INPP4A: variants seen among roughly 807,000 people sequenced by gnomAD.
The protein encoded by INPP4A is inositol polyphosphate-4-phosphatase, type I, 107kD.
A neutral mutation model predicts 119.8 loss-of-function variants in INPP4A; 33 were observed. The observed-to-expected ratio is 0.28, with a 90% confidence interval of 0.21 to 0.37. The LOEUF (loss-of-function observed/expected upper bound fraction) is 0.37. Among genes scored for constraint, INPP4A ranks in the 10% least tolerant of loss-of-function variants. The pLI is 1.00. For missense variants in INPP4A, 956 were observed against 1,289.9 expected (o/e 0.74, Z 3.97); for synonymous variants, 496 against 500.7 (o/e 0.99, Z 0.12).
At chr2:98,581,762 A>G in intron 24 of INPP4A, 2 of 1,607,120 alleles carry the variant, frequency 1.2e-6, no homozygotes, top group South Asian at 1.1e-5. Context: ...AATGAATATC[A>G]TTATGAAAAA....
At chr2:98,481,330 G>C (rs934228180) in intron 1 of INPP4A, among the ~76,000 whole-genome samples, 16 of 150,486 alleles carry the variant, frequency 1.1e-4, no homozygotes, top group African/African-American at 3.8e-4. Context: ...AAATTCCCTG[G>C]GGGGAAAGAA....
At chr2:98,471,121 C>T (rs1574577202) in intron 1 of INPP4A, among the ~76,000 whole-genome samples, 1 of 152,134 alleles carries the variant, frequency 6.6e-6, no homozygotes, top group African/African-American at 2.4e-5. Context: ...ATAGTTTTAG[C>T]TGAGGGTGTT....
intron 21 of INPP4A, among the ~76,000 whole-genome samples, chr2:98,567,422 A>G (rs1310684940): frequency 6.6e-6 from 1 of 152,200 alleles, no homozygotes; most frequent in Non-Finnish European, 1.5e-5. Flanking sequence ...GCACCAGCCC[A>G]GGAAGCAAAG....
intron 1 of INPP4A, among the ~76,000 whole-genome samples, chr2:98,501,890 G>T (rs539569188): frequency 6.6e-5 from 10 of 152,330 alleles, no homozygotes; most frequent in Admixed American, 2.6e-4. Context: ...TCTGGCCCCT[G>T]CACTGCTGAG....
intron 1 of INPP4A, among the ~76,000 whole-genome samples, chr2:98,501,346 T>C (rs1683085208): frequency 6.6e-6 from 1 of 151,980 alleles, no homozygotes; most frequent in Non-Finnish European, 1.5e-5. Context: ...AAAAAAAATG[T>C]ATTTAAAGAA....
chr2:98,579,051 T>A (rs1467699096), intron 24 of INPP4A, among the ~76,000 whole-genome samples: 1 of 152,016 alleles, frequency 6.6e-6, no homozygotes, highest in East Asian at 1.9e-4. Flanking sequence ...TTATCACTTT[T>A]TTTTTCTTTT....
In INPP4A at chr2:98,526,190, CAA is replaced by C. The variant is rs1273833263; in HGVS notation, c.151+5462_151+5463del. On this transcript the variant is annotated intron_variant, in intron 4 of 24. Transcript: ENST00000409851. ...CATTTGTATGAAATTCAAGAACAGA[CAA>C]AAGAATAGTGATGGAAATCAGAAAA... Among the ~76,000 whole-genome samples, 8 of 151,992 alleles carry C rather than the reference CAA, an allele frequency of 5.3e-5. No homozygotes were observed. The East Asian group carries it at 1.5e-3, about 29-fold the overall frequency.
intron 16 of INPP4A, among the ~76,000 whole-genome samples, chr2:98,557,360 G>A (rs1694677847): frequency 6.6e-6 from 1 of 152,152 alleles, no homozygotes; most frequent in African/African-American, 2.4e-5. Context: ...AATTATCTGT[G>A]GATGGTCCTT....
intron 1 of INPP4A, among the ~76,000 whole-genome samples, chr2:98,450,777 T>C (rs1480746282): frequency 6.6e-6 from 1 of 152,158 alleles, no homozygotes; most frequent in Non-Finnish European, 1.5e-5. Context: ...CTTTCTGTTT[T>C]TTTTGAGATG....
At chr2:98,471,462 C>T (rs1320014404) in intron 1 of INPP4A, among the ~76,000 whole-genome samples, 1 of 152,154 alleles carries the variant, frequency 6.6e-6, no homozygotes, top group Non-Finnish European at 1.5e-5. Context: ...TGTGGTATCT[C>T]ATCATATGTG....
chr2:98,530,272 G>A (rs1688968458), intron 4 of INPP4A, among the ~76,000 whole-genome samples: 1 of 151,968 alleles, frequency 6.6e-6, no homozygotes, highest in South Asian at 2.1e-4. Flanking sequence ...GAATCTGAGA[G>A]CAGAGGCTCA....
chr2:98,477,880 G>C (rs1677581423), intron 1 of INPP4A, among the ~76,000 whole-genome samples: 1 of 152,224 alleles, frequency 6.6e-6, no homozygotes, highest in Non-Finnish European at 1.5e-5. Flanking sequence ...GCATGGATTG[G>C]AAATGGAGAG....
At chr2:98,542,586 C>T (rs1305059989) in intron 10 of INPP4A, among the ~76,000 whole-genome samples, 2 of 152,200 alleles carry the variant, frequency 1.3e-5, no homozygotes, top group African/African-American at 4.8e-5. Context: ...CAGGGATTAG[C>T]TACCGATTTT....
chr2:98,493,423 T>C (rs1681253876), intron 1 of INPP4A, among the ~76,000 whole-genome samples: 1 of 138,744 alleles, frequency 7.2e-6, no homozygotes, highest in South Asian at 2.3e-4. Context: ...TTTTTCTATT[T>C]CTATTTTTTT....
intron 1 of INPP4A, among the ~76,000 whole-genome samples, chr2:98,461,548 T>C (rs920147465): frequency 6.6e-6 from 1 of 152,272 alleles, no homozygotes; most frequent in Admixed American, 6.5e-5. Flanking sequence ...TTTTATGTTT[T>C]AATAGGCAAA....
chr2:98,504,714 A>T (rs1286609907), intron 1 of INPP4A, among the ~76,000 whole-genome samples: 3 of 152,196 alleles, frequency 2.0e-5, no homozygotes, highest in African/African-American at 7.2e-5. Context: ...GCCAATTTTG[A>T]CACTTGCGAA....
intron 1 of INPP4A, among the ~76,000 whole-genome samples, chr2:98,480,432 T>C (rs1678177436): frequency 6.6e-6 from 1 of 152,230 alleles, no homozygotes; most frequent in African/African-American, 2.4e-5. Flanking sequence ...CAGATTTTTA[T>C]CTGGTGCCCT....
In INPP4A at chr2:98,587,459, G is replaced by A; in HGVS notation, c.2787-17G>A. 6.4e-7 allele frequency: 1 copy of A among 1,552,630 alleles called. No individual in the cohort carries two copies. The highest frequency in any genetic ancestry group is 1.2e-5 in the South Asian group (1 of 80,538). The stretch of plus-strand genomic sequence containing the variant: ...CTTTTTTACTGCCGTCATTTCTTGT[G>A]CTTGTTTTTTCCCCAGTGAGGGTTG... On this transcript the variant is annotated splice_polypyrimidine_tract_variant and intron_variant, in intron 24 of 24. Coordinates refer to ENST00000409851, the MANE Select transcript of INPP4A (RefSeq NM_001134225.2).
intron 23 of INPP4A, among the ~76,000 whole-genome samples, chr2:98,575,678 C>G (rs1403946780): frequency 6.6e-6 from 1 of 152,086 alleles, no homozygotes; most frequent in Non-Finnish European, 1.5e-5. Context: ...AGTGATGATC[C>G]TGGTAGTGAC....
Sources: gnomAD v4.1 joint callset for allele counts (sites outside exome capture counted in the v4.1 genomes callset) on GRCh38, gnomAD v4.1.1 for gene constraint, MANE v1.5 for transcripts, NCBI Gene and HGNC (gene_info 2026-07-23, HGNC 2026-07-21) for gene names.